Variants in MATCAP2 observed in about 807,000 individuals in gnomAD.
The protein encoded by MATCAP2 is microtubule associated tyrosine carboxypeptidase 2.
the MATCAP2 span, chr7:36,327,026 A>G: frequency 2.0e-5 from 19 of 931,496 alleles, no homozygotes; most frequent in African/African-American, 3.2e-4. Flanking sequence ...CATTTGTCAA[A>G]TTATTTTAAT....
chr7:36,349,935 G>T, the MATCAP2 span, among the ~76,000 whole-genome samples: 1 of 152,038 alleles, frequency 6.6e-6, no homozygotes, highest in Non-Finnish European at 1.5e-5. Flanking sequence ...CCAGTTCTCC[G>T]ATCTAATACA....
At chr7:36,334,993 T>A in the MATCAP2 span, 16 of 1,518,362 alleles carry the variant, frequency 1.1e-5, no homozygotes, top group African/African-American at 7.0e-5. Flanking sequence ...GAACATTTCT[T>A]TAGAGCTAAT....
At chr7:36,331,898 A>G in the MATCAP2 span, among the ~76,000 whole-genome samples, 1 of 152,222 alleles carries the variant, frequency 6.6e-6, no homozygotes, top group Admixed American at 6.5e-5. Flanking sequence ...CATGAGGATG[A>G]TTTAAAAAAT....
chr7:36,367,203 C>A, the MATCAP2 span: 2 of 1,178,094 alleles, frequency 1.7e-6, no homozygotes, highest in Non-Finnish European at 2.1e-6. Context: ...TTAGAACCTG[C>A]CACCGTGACG....
At chr7:36,375,947 T>A in the MATCAP2 span, among the ~76,000 whole-genome samples, 1 of 152,356 alleles carries the variant, frequency 6.6e-6, no homozygotes, top group East Asian at 1.9e-4. Context: ...CCCTTTATCA[T>A]TTTTTATTGC....
chr7:36,357,515 T>C, the MATCAP2 span: 5 of 1,614,038 alleles, frequency 3.1e-6, no homozygotes, highest in Admixed American at 8.3e-5. Context: ...GCTTCTTTTG[T>C]TGTCAATGAT....
chr7:36,382,251 G>A, the MATCAP2 span, among the ~76,000 whole-genome samples: 2 of 140,734 alleles, frequency 1.4e-5, no homozygotes, highest in South Asian at 2.3e-4. Flanking sequence ...AGGTTGCAGT[G>A]AGCAGAGTTG....
At chr7:36,378,730 C>A in the MATCAP2 span, among the ~76,000 whole-genome samples, 2 of 152,182 alleles carry the variant, frequency 1.3e-5, no homozygotes, top group East Asian at 3.9e-4. Context: ...GCAGACAGGC[C>A]TCCTTGAGCT....
the MATCAP2 span, among the ~76,000 whole-genome samples, chr7:36,330,692 G>C: frequency 6.6e-6 from 1 of 152,240 alleles, no homozygotes; most frequent in Non-Finnish European, 1.5e-5. Context: ...TGTTTTAGGT[G>C]CAGCTTACTT....
the MATCAP2 span, among the ~76,000 whole-genome samples, chr7:36,383,606 T>G: frequency 6.6e-6 from 1 of 152,124 alleles, no homozygotes; most frequent in South Asian, 2.1e-4. Context: ...AAGTGGGAGT[T>G]GAACAATGAG....
chr7:36,348,321 A>G, the MATCAP2 span, among the ~76,000 whole-genome samples: 1 of 152,202 alleles, frequency 6.6e-6, no homozygotes, highest in Non-Finnish European at 1.5e-5. Flanking sequence ...TTGTAGCCAC[A>G]AACTAATGGG....
chr7:36,366,917 C>A, the MATCAP2 span: 1 of 1,445,732 alleles, frequency 6.9e-7, no homozygotes, highest in East Asian at 2.8e-5. Flanking sequence ...GGCACTCACC[C>A]GTCACGCGAA....
At chr7:36,370,245 C>A in the MATCAP2 span, among the ~76,000 whole-genome samples, 1 of 152,162 alleles carries the variant, frequency 6.6e-6, no homozygotes, top group Admixed American at 6.5e-5. Flanking sequence ...TTGGGTTCAG[C>A]ATCTGCAGCT....
At chr7:36,334,534 TCAAAAAAAAAA>T in the MATCAP2 span, among the ~76,000 whole-genome samples, 1 of 28,048 alleles carries the variant, frequency 3.6e-5, no homozygotes, top group African/African-American at 1.5e-4. Context: ...AGATCCCATC[TCAAAAAAAAAA>T]AAAAAAAAAA....
At chr7:36,360,134 T>A in the MATCAP2 span, among the ~76,000 whole-genome samples, 1 of 152,214 alleles carries the variant, frequency 6.6e-6, no homozygotes, top group Admixed American at 6.5e-5. Context: ...ATTACATATA[T>A]GTTGTACTGA....
the MATCAP2 span, among the ~76,000 whole-genome samples, chr7:36,332,435 G>C: frequency 2.0e-5 from 3 of 152,106 alleles, no homozygotes; most frequent in Admixed American, 1.3e-4. Flanking sequence ...ATCCCGCCTG[G>C]AATTGGCTAT....
chr7:36,346,586 A>G, the MATCAP2 span, among the ~76,000 whole-genome samples: 1 of 152,204 alleles, frequency 6.6e-6, no homozygotes, highest in Non-Finnish European at 1.5e-5. Flanking sequence ...GCAAATCCAG[A>G]AAGTCAGAAA....
the MATCAP2 span, among the ~76,000 whole-genome samples, chr7:36,359,311 A>G: frequency 6.6e-6 from 1 of 152,224 alleles, no homozygotes; most frequent in Non-Finnish European, 1.5e-5. Flanking sequence ...CCTTCACTGC[A>G]TAGGACAATC....
the MATCAP2 span, among the ~76,000 whole-genome samples, chr7:36,345,391 A>G: frequency 2.0e-5 from 3 of 152,324 alleles, no homozygotes; most frequent in South Asian, 6.2e-4. Context: ...ACCTTTGCAT[A>G]TCTTATAGGC....
Sources: allele counts gnomAD v4.1 joint callset (sites outside exome capture counted in the v4.1 genomes callset), GRCh38; gene constraint gnomAD v4.1.1; transcripts MANE v1.5; gene names NCBI Gene and HGNC (gene_info 2026-07-23, HGNC 2026-07-21).